TBL1X: variants seen among roughly 807,000 people sequenced by gnomAD.
TBL1X encodes the protein F-box-like/WD repeat-containing protein TBL1X.
TBL1X carries 10 observed loss-of-function variants against 50.7 expected under a neutral mutation model. The ratio of observed to expected loss-of-function variants is 0.20; its 90% CI spans 0.12 to 0.33. TBL1X has a LOEUF of 0.33. Among genes scored for constraint, TBL1X ranks in the 10% least tolerant of loss-of-function variants. The pLI is 1.00. For synonymous variants in TBL1X, 190 were observed against 214.7 expected, an observed-to-expected ratio of 0.88 and a Z score of 1.01; for missense variants, 340 against 504.4, an observed-to-expected ratio of 0.67 and a Z score of 3.12.
At chrX:9,644,955 C>T (rs1454409439) in intron 3 of TBL1X, 2 of 112,423 alleles carry the variant, frequency 1.8e-5, no homozygotes, top group South Asian at 3.7e-4. Flanking sequence ...CACCATGTCC[C>T]GTCAGGGATG....
intron 2 of TBL1X, among the ~76,000 whole-genome samples, chrX:9,574,004 G>T (rs1213147082): frequency 8.9e-6 from 1 of 111,956 alleles, no homozygotes; most frequent in Non-Finnish European, 1.9e-5. Context: ...ATTCAATGCC[G>T]GCATCACTAC....
chrX:9,476,866 G>A (rs1314674872), intron 1 of TBL1X, among the ~76,000 whole-genome samples: 1 of 112,357 alleles, frequency 8.9e-6, no homozygotes, highest in Non-Finnish European at 1.9e-5. Context: ...ATAATTGTAT[G>A]TGAAGCTTTA....
At chrX:9,616,600 A>G (rs1200251340) in intron 2 of TBL1X, among the ~76,000 whole-genome samples, 3 of 112,202 alleles carry the variant, frequency 2.7e-5, no homozygotes, top group African/African-American at 6.5e-5. Flanking sequence ...GAGCTGATTA[A>G]TAAGAAGTCC....
chrX:9,695,428 C>T (rs1255428125), intron 11 of TBL1X, among the ~76,000 whole-genome samples: 1 of 112,827 alleles, frequency 8.9e-6, no homozygotes, highest in Non-Finnish European at 1.9e-5. Context: ...TAAACGTTCT[C>T]ATGTAGCTAC....
At chrX:9,514,718 A>T (rs1371975002) in intron 2 of TBL1X, among the ~76,000 whole-genome samples, 3 of 112,069 alleles carry the variant, frequency 2.7e-5, no homozygotes, top group African/African-American at 6.5e-5. Flanking sequence ...AACCCAGGAA[A>T]TCCACGTTGG....
At chrX:9,604,752 A>G (rs2082574551) in intron 2 of TBL1X, among the ~76,000 whole-genome samples, 1 of 110,947 alleles carries the variant, frequency 9.0e-6, no homozygotes, top group Admixed American at 9.5e-5. Flanking sequence ...TGATTCAACC[A>G]TTGAACATTA....
rs1424043658 is a variant in TBL1X, at chrX:9,555,372, C to T, written c.-131+53523C>T. Among the ~76,000 whole-genome samples the T allele has an allele frequency of 4.5e-5, 5 of 111,995 alleles. No individual in the cohort carries two copies. The South Asian group carries it at 1.9e-3, about 42-fold the overall frequency. On this transcript the variant is annotated intron_variant, in intron 2 of 17. Coordinates refer to ENST00000645353, the MANE Select transcript of TBL1X (RefSeq NM_005647.4). ...GGGATTACAAGTTTAAACCACCACA[C>T]CTGGCCTGTTTTTTATTGTTAGATA...
At chrX:9,554,262 A>C (rs753130261) in intron 2 of TBL1X, among the ~76,000 whole-genome samples, 1 of 112,544 alleles carries the variant, frequency 8.9e-6, no homozygotes, top group East Asian at 2.8e-4. Context: ...TTCTTAATCC[A>C]CTTACATTGA....
At chrX:9,530,212 G>T (rs1251319190) in intron 2 of TBL1X, among the ~76,000 whole-genome samples, 1 of 111,856 alleles carries the variant, frequency 8.9e-6, no homozygotes, top group Non-Finnish European at 1.9e-5. Context: ...GTCACGAGGG[G>T]GTCCATTCTC....
At chrX:9,546,313 AC>A (rs1177081238) in intron 2 of TBL1X, among the ~76,000 whole-genome samples, 1 of 111,817 alleles carries the variant, frequency 8.9e-6, no homozygotes, top group Non-Finnish European at 1.9e-5. Flanking sequence ...GGAGATCGAG[AC>A]CCATCCTGGC....
intron 7 of TBL1X, among the ~76,000 whole-genome samples, chrX:9,690,286 G>A (rs1374795104): frequency 4.5e-5 from 5 of 112,276 alleles, no homozygotes; most frequent in Non-Finnish European, 9.4e-5. Context: ...GTAACAAAAG[G>A]CCACACACCA....
At chrX:9,698,069 A>G (rs908747230) in intron 12 of TBL1X, among the ~76,000 whole-genome samples, 1 of 111,660 alleles carries the variant, frequency 9.0e-6, no homozygotes, top group Non-Finnish European at 1.9e-5. Context: ...AGGTGACAGA[A>G]TGAGATCCTG....
intron 2 of TBL1X, among the ~76,000 whole-genome samples, chrX:9,624,233 AGTT>A (rs750843359): frequency 3.3e-4 from 37 of 112,384 alleles, no homozygotes; most frequent in South Asian, 7.3e-4. Flanking sequence ...AGTGTTTTCA[AGTT>A]GTTGTTGTTT....
rs1180760572 is a variant in TBL1X, at chrX:9,676,069, T to C, written c.212-7974T>C. Among the ~76,000 whole-genome samples the C allele has an allele frequency of 1.7e-4, 19 of 112,125 alleles. No homozygotes were observed. The Admixed American group carries it at 1.8e-3, about 11-fold the overall frequency. ...AGTCATATCTTGACTTTTGTTTGAG[T>C]GTGATTTGCAATGGTGCTATCCGTC... On this transcript the variant is annotated intron_variant, in intron 5 of 17. Coordinates refer to ENST00000645353, the MANE Select transcript of TBL1X (RefSeq NM_005647.4).
intron 1 of TBL1X, among the ~76,000 whole-genome samples, chrX:9,500,574 C>CA (rs1319406133): frequency 1.8e-5 from 2 of 112,043 alleles, no homozygotes; most frequent in Non-Finnish European, 3.8e-5. Flanking sequence ...CTAGCCTGAG[C>CA]AACAAGAGCA....
In TBL1X at chrX:9,635,995, G is replaced by T. The variant is rs143999202; in HGVS notation, c.-130-4278G>T. Among the ~76,000 whole-genome samples, 723 of 111,956 alleles carry T rather than the reference G, an allele frequency of 6.5e-3. 3 individuals are homozygous for T. Among genetic ancestry groups the T allele is most frequent in the Middle Eastern group, 0.028 (6 of 218 alleles). On this transcript the variant is annotated intron_variant, in intron 2 of 17. Transcript: ENST00000645353. Reference sequence around the variant, plus strand: ...TCAGCCATAAAAGGAGTGAAGCCCTGGAACGTGCTACAACATGGATGCTCT... The same window carrying T: ...TCAGCCATAAAAGGAGTGAAGCCCTTGAACGTGCTACAACATGGATGCTCT...
At chrX:9,650,580 T>C (rs2082828331) in intron 3 of TBL1X, among the ~76,000 whole-genome samples, 1 of 111,703 alleles carries the variant, frequency 9.0e-6, no homozygotes, top group Admixed American at 9.5e-5. Flanking sequence ...TCCTTTGTAA[T>C]TCTCTTCCTT....
At chrX:9,540,308 C>G (rs1195182102) in intron 2 of TBL1X, among the ~76,000 whole-genome samples, 1 of 112,198 alleles carries the variant, frequency 8.9e-6, no homozygotes, top group African/African-American at 3.2e-5. Flanking sequence ...TCACAGGAGC[C>G]TGGTTATTGC....
chrX:9,707,026 C>T (rs2083212378), intron 13 of TBL1X, among the ~76,000 whole-genome samples: 1 of 111,919 alleles, frequency 8.9e-6, no homozygotes, highest in South Asian at 3.8e-4. Context: ...GTCTGCCTCT[C>T]CCAGAAAACG....
Sources: gnomAD v4.1 joint callset for allele counts (sites outside exome capture counted in the v4.1 genomes callset) on GRCh38, gnomAD v4.1.1 for gene constraint, MANE v1.5 for transcripts, NCBI Gene and HGNC (gene_info 2026-07-23, HGNC 2026-07-21) for gene names.